CP: variants seen among roughly 807,000 people sequenced by gnomAD.
CP encodes the protein ceruloplasmin, also known as caeruloplasmin.
CP carries 64 observed loss-of-function variants against 122.4 expected under a neutral mutation model. The ratio of observed to expected loss-of-function variants is 0.52; its 90% confidence interval spans 0.43 to 0.64. The LOEUF (loss-of-function observed/expected upper bound fraction) is 0.64. Among genes scored for constraint, CP ranks in the 30% least tolerant of loss-of-function variants. The pLI is 0.00. For missense variants in CP, 1,167 were observed against 1,284.4 expected (o/e 0.91, Z 1.40); for synonymous variants, 440 against 436.4 (o/e 1.01, Z -0.10).
Position 149,198,545 on chromosome 3 carries a change from G to A in CP, c.1535C>T (p.Thr512Ile). 1 of 1,614,074 alleles carries A rather than the reference G, an allele frequency of 6.2e-7. No individual in the cohort carries two copies. The highest frequency in any genetic ancestry group is 1.1e-5 in the South Asian group (1 of 91,074). ...VPPSASHVAPTETFTYEWTVP... is the reference protein window; with the variant it reads ...VPPSASHVAPIETFTYEWTVP... ...AGTCCATTCATAGGTGAATGTTTCTGTGGGTGCCACATGGGAGGCTGAAGG... is the reference window on the plus strand; with the variant it reads ...AGTCCATTCATAGGTGAATGTTTCTATGGGTGCCACATGGGAGGCTGAAGG... The change falls in exon 9 of 19, where the codon ACA (threonine) becomes ATA (isoleucine). Residue 512 changes from threonine (T) to isoleucine (I), a missense_variant. Transcript: ENST00000264613.
Position 149,210,186 on chromosome 3 carries a change from AG to A in CP, c.587del (p.Pro196LeufsTer2). ...PKDIASGLIG[P>X]LIICKKDSLD... Reference sequence around the variant, plus strand: ...ATGTACCTTTTTTACAGATTATTAAAGGTCCGATGAGTCCTGAGGCAATATC... The same window carrying A: ...ATGTACCTTTTTTACAGATTATTAAAGTCCGATGAGTCCTGAGGCAATATC... On this transcript the variant is annotated frameshift_variant, in exon 3 of 19. Coordinates refer to ENST00000264613, the MANE Select transcript of CP (RefSeq NM_000096.4). LOFTEE classifies it high-confidence loss of function. The A allele has an allele frequency of 6.2e-7, 1 of 1,613,996 alleles. No homozygotes were observed.
At chr3:149,209,153 C>T (rs899626332) in intron 4 of CP, 58 bp downstream of exon 4, 2 of 1,603,272 alleles carry the variant, frequency 1.2e-6, no homozygotes, top group Admixed American at 1.7e-5. Flanking sequence ...ATAAGCTTAG[C>T]AGAATTAATG....
In CP at chr3:149,210,116, C is replaced by G; in HGVS notation, c.607+51G>C. ...GATTTCTTTTTAAAAGACAAACTGC[C>G]CTGCCCCTGTCTTTTGGTCATATAG... On this transcript the variant is annotated intron_variant, in intron 3 of 18. Transcript: ENST00000264613. The G allele has an allele frequency of 1.9e-6, 3 of 1,556,726 alleles. No individual in the cohort carries two copies. In the South Asian group the frequency reaches 3.3e-5, roughly 17 times the overall value.
At position 149,178,435 on chromosome 3, in the gene CP, A is replaced by G. The variant is rs2108216203; in HGVS notation, c.2858T>C (p.Ile953Thr). The G allele has an allele frequency of 1.9e-6, 3 of 1,609,926 alleles. No homozygotes were observed. The highest frequency in any genetic ancestry group is 2.2e-5 in the East Asian group (1 of 44,840). The change falls in exon 16 of 19, where the codon ATA (isoleucine) becomes ACA (threonine). Residue 953 changes from isoleucine to threonine, a missense_variant. Transcript: ENST00000264613. ...CATACCATGCATTTTATTGCTTTCT[A>G]TGAATTCCTCATCATCTTTGTTTAC... The part of the protein sequence containing the change: ...EKVNKDDEEF[I>T]ESNKMHAING...
intron 3 of CP, 73 bp from the exon 4 acceptor site, chr3:149,209,457 T>C: frequency 6.9e-7 from 1 of 1,440,852 alleles, no homozygotes; most frequent in Non-Finnish European, 9.5e-7. Flanking sequence ...TCAGGTGATT[T>C]ATAGTTTTTA....
chr3:149,198,279 G>T, intron 9 of CP, 88 bp downstream of exon 9: 1 of 1,038,458 alleles, frequency 9.6e-7, no homozygotes, highest in Non-Finnish European at 1.5e-6. Context: ...TATTTTTGGA[G>T]ATAATGATGA....
chr3:149,212,894 C>T lies in CP; in HGVS notation c.147-196G>A, dbSNP rs550581336. Among the ~76,000 whole-genome samples, 10 of 152,234 alleles carry T rather than the reference C, an allele frequency of 6.6e-5. No individual in the cohort carries two copies. In the South Asian group the frequency reaches 1.7e-3, roughly 25 times the overall value. On this transcript the variant is annotated intron_variant, in intron 1 of 18. Transcript: ENST00000264613. ...TGTTATTTTAATGATGTGAGGCTTT[C>T]CATATCAGGTATATGTCAGAGAACC...
At chr3:149,177,766 GAGAAAA>G (rs1725511223) in intron 17 of CP, 68 bp downstream of exon 17, 1 of 1,518,738 alleles carries the variant, frequency 6.6e-7, no homozygotes. Flanking sequence ...AAGTCTCTCT[GAGAAAA>G]TATTTTCTTC....
intron 13 of CP, among the ~76,000 whole-genome samples, chr3:149,182,589 G>A (rs1293971604): frequency 2.6e-5 from 4 of 152,186 alleles, no homozygotes; most frequent in South Asian, 2.1e-4. Flanking sequence ...GATGGGAGTG[G>A]GGGTCCCTGC....
chr3:149,166,498 A>G (rs1724429598), intron 4 of CP, among the ~76,000 whole-genome samples: 1 of 152,206 alleles, frequency 6.6e-6, no homozygotes, highest in African/African-American at 2.4e-5. Flanking sequence ...TGTTCAGAAT[A>G]TAATTTTGTA....
chr3:149,219,232 G>C (rs76700965), intron 1 of CP, among the ~76,000 whole-genome samples: 1 of 152,142 alleles, frequency 6.6e-6, no homozygotes, highest in Non-Finnish European at 1.5e-5. Flanking sequence ...AAAGTCACAG[G>C]ACAATAACAA....
chr3:149,209,386 TG>T lies in CP; in HGVS notation c.608-3del. On this transcript the variant is annotated splice_polypyrimidine_tract_variant and splice_region_variant and intron_variant, in intron 3 of 18. Transcript: ENST00000264613. ...TTTCTTTTTCTTTATCTAGAGAATC[TG>T]GAGTTAAAGTTACTATTTTAGCAAG... 6.2e-7 allele frequency: 1 copy of T among 1,612,844 alleles called. No homozygotes were observed. Among genetic ancestry groups the T allele is most frequent in the Non-Finnish European group, 8.5e-7 (1 of 1,179,148 alleles).
chr3:149,169,482 A>G (rs1724765468), downstream of CP, among the ~76,000 whole-genome samples: 1 of 152,204 alleles, frequency 6.6e-6, no homozygotes, highest in Non-Finnish European at 1.5e-5. Context: ...CATGCTTAGG[A>G]GTTTGGATTT....
At chr3:149,175,138 A>G (rs1363607962) in intron 18 of CP, among the ~76,000 whole-genome samples, 2 of 152,078 alleles carry the variant, frequency 1.3e-5, no homozygotes, top group African/African-American at 4.8e-5. Context: ...TTTTTGAGCA[A>G]GACCATCCTT....
intron 17 of CP, chr3:149,176,667 C>G (rs1010945108): frequency 2.3e-6 from 1 of 427,566 alleles, no homozygotes. Flanking sequence ...ACCTACAAAC[C>G]TCCTGTACCT....
chr3:149,186,741 G>A lies in CP; in HGVS notation c.1865-9C>T. 1.2e-6 allele frequency: 2 copies of A among 1,613,102 alleles called. No homozygotes were observed. The highest frequency in any genetic ancestry group is 1.7e-6 in the Non-Finnish European group (2 of 1,179,528). On this transcript the variant is annotated splice_polypyrimidine_tract_variant and intron_variant, in intron 10 of 18. Coordinates refer to ENST00000264613, the MANE Select transcript of CP (RefSeq NM_000096.4). Reference sequence around the variant, plus strand: ...CATGAATCCATTCATGGCTGTAAAAGTTGGGAAATAACATTTTGGAAGTGG... The same window carrying A: ...CATGAATCCATTCATGGCTGTAAAAATTGGGAAATAACATTTTGGAAGTGG...
At chr3:149,202,655 C>CT (rs2108279604) in intron 6 of CP, among the ~76,000 whole-genome samples, 1 of 136,592 alleles carries the variant, frequency 7.3e-6, no homozygotes, top group South Asian at 2.3e-4. Context: ...GTCACCCAGG[C>CT]TGGAGTGCAG....
chr3:149,166,684 G>A (rs2177392), intron 4 of CP, among the ~76,000 whole-genome samples: 66,260 of 151,800 alleles, frequency 0.44, 14,579 homozygotes, highest in South Asian at 0.49. Flanking sequence ...ATACTCTTGC[G>A]GTGAACATCA....
intron 9 of CP, among the ~76,000 whole-genome samples, chr3:149,189,765 G>A (rs1382313109): frequency 6.6e-6 from 1 of 152,122 alleles, no homozygotes; most frequent in African/African-American, 2.4e-5. Flanking sequence ...CCTGTATACT[G>A]ATCGACAGAG....
Sources: gnomAD v4.1 joint callset for allele counts (sites outside exome capture counted in the v4.1 genomes callset) on GRCh38, gnomAD v4.1.1 for gene constraint, MANE v1.5 for transcripts, NCBI Gene and HGNC (gene_info 2026-07-23, HGNC 2026-07-21) for gene names.